Variants in MARCHF3 observed in about 807,000 individuals in gnomAD.
The protein encoded by MARCHF3 is membrane associated ring-CH-type finger 3.
A neutral mutation model predicts 24.2 loss-of-function variants in MARCHF3; 13 were observed. That is an observed-to-expected ratio of 0.54 (90% confidence interval 0.35 to 0.85). The LOEUF is 0.85. Ranked by LOEUF, MARCHF3 falls within the 40% of genes least tolerant of loss-of-function variation. MARCHF3 has a pLI of 0.01. For missense variants in MARCHF3, 276 were observed against 325.0 expected (o/e 0.85, Z 1.16); for synonymous variants, 144 against 137.3 (o/e 1.05, Z -0.34).
chr5:126,950,280 C>G (rs1303405041), intron 1 of MARCHF3, among the ~76,000 whole-genome samples: 1 of 152,218 alleles, frequency 6.6e-6, no homozygotes, highest in Non-Finnish European at 1.5e-5. Context: ...AATGGTCTTA[C>G]CTTAAATTCA....
At chr5:126,954,199 A>ATTTTTTTTTTT (rs750262766) in intron 1 of MARCHF3, among the ~76,000 whole-genome samples, 8 of 114,066 alleles carry the variant, frequency 7.0e-5, no homozygotes, top group Admixed American at 1.9e-4. Context: ...CGCCCGGCTA[A>ATTTTTTTTTTT]TTTTTTTTTT....
At chr5:126,891,661 T>C (rs1459055271) in intron 3 of MARCHF3, among the ~76,000 whole-genome samples, 2 of 140,898 alleles carry the variant, frequency 1.4e-5, no homozygotes, top group Admixed American at 1.4e-4. Flanking sequence ...TCTGTTTTGG[T>C]ACCAGTACCA....
chr5:126,978,700 C>T (rs1401599997), intron 1 of MARCHF3, among the ~76,000 whole-genome samples: 1 of 152,196 alleles, frequency 6.6e-6, no homozygotes, highest in Non-Finnish European at 1.5e-5. Flanking sequence ...CGGCTTTTTG[C>T]TCTCACACAG....
chr5:127,015,478 G>A (rs1752609958), intron 1 of MARCHF3, among the ~76,000 whole-genome samples: 1 of 152,134 alleles, frequency 6.6e-6, no homozygotes, highest in East Asian at 1.9e-4. Context: ...TCACAATTTA[G>A]TTGGCAAATG....
At chr5:126,908,402 A>G (rs939542545) in intron 3 of MARCHF3, among the ~76,000 whole-genome samples, 15 of 152,158 alleles carry the variant, frequency 9.9e-5, no homozygotes, top group Non-Finnish European at 1.9e-4. Context: ...CCTGGATAAT[A>G]TCCTGCAGAA....
intron 1 of MARCHF3, among the ~76,000 whole-genome samples, chr5:126,989,754 A>G (rs934914972): frequency 6.6e-6 from 1 of 152,214 alleles, no homozygotes; most frequent in African/African-American, 2.4e-5. Context: ...CATCAATTAT[A>G]ATTATGAACA....
intron 4 of MARCHF3, among the ~76,000 whole-genome samples, chr5:126,875,183 G>A (rs189184127): frequency 4.6e-5 from 7 of 152,320 alleles, no homozygotes; most frequent in Admixed American, 2.0e-4. Context: ...GACATGGACA[G>A]TGATGTTTCT....
chr5:126,992,595 A>T (rs191594404), intron 1 of MARCHF3, among the ~76,000 whole-genome samples: 6 of 152,272 alleles, frequency 3.9e-5, no homozygotes, highest in Admixed American at 1.3e-4. Context: ...CGTAGAAATT[A>T]CGTAGTACGT....
intron 1 of MARCHF3, among the ~76,000 whole-genome samples, chr5:126,951,768 T>G (rs1463465569): frequency 6.6e-6 from 1 of 152,232 alleles, no homozygotes; most frequent in Non-Finnish European, 1.5e-5. Context: ...AACAGCTCTG[T>G]CTGTAAGGCA....
intron 1 of MARCHF3, among the ~76,000 whole-genome samples, chr5:127,007,540 T>G (rs12652417): frequency 0.052 from 7,837 of 152,166 alleles, 381 homozygotes; most frequent in South Asian, 0.13. Context: ...TCCAATATAT[T>G]CATTCTTAAT....
chr5:126,974,499 A>T (rs1343094373), intron 1 of MARCHF3, among the ~76,000 whole-genome samples: 1 of 152,220 alleles, frequency 6.6e-6, no homozygotes, highest in Non-Finnish European at 1.5e-5. Flanking sequence ...AGGGAAAAAA[A>T]AGTAACCTTT....
intron 1 of MARCHF3, among the ~76,000 whole-genome samples, chr5:126,968,692 A>C (rs2126827463): frequency 6.6e-6 from 1 of 152,184 alleles, no homozygotes; most frequent in Admixed American, 6.5e-5. Flanking sequence ...TCTCGTGTGT[A>C]GTCTCCAGAG....
intron 1 of MARCHF3, among the ~76,000 whole-genome samples, chr5:126,919,928 A>G (rs1749044311): frequency 6.6e-6 from 1 of 152,246 alleles, no homozygotes; most frequent in Non-Finnish European, 1.5e-5. Flanking sequence ...GGGCACAGGC[A>G]GAGGCTGCCC....
At chr5:126,986,812 C>A (rs1445762920) in intron 1 of MARCHF3, among the ~76,000 whole-genome samples, 1 of 152,124 alleles carries the variant, frequency 6.6e-6, no homozygotes, top group Non-Finnish European at 1.5e-5. Flanking sequence ...AACTTTGATT[C>A]TCTGGACTCT....
chr5:126,992,865 G>A (rs1326461355), intron 1 of MARCHF3, among the ~76,000 whole-genome samples: 7 of 145,078 alleles, frequency 4.8e-5, no homozygotes, highest in African/African-American at 1.5e-4. Context: ...TCCGCCTTCC[G>A]GGTTCACGCC....
intron 1 of MARCHF3, among the ~76,000 whole-genome samples, chr5:126,992,889 A>C (rs1751820163): frequency 6.7e-6 from 1 of 149,254 alleles, no homozygotes; most frequent in African/African-American, 2.5e-5. Flanking sequence ...CTCCTGCCTC[A>C]GCCTCCCGAG....
intron 1 of MARCHF3, among the ~76,000 whole-genome samples, chr5:126,994,312 G>A (rs1175160582): frequency 6.6e-6 from 1 of 152,168 alleles, no homozygotes; most frequent in Non-Finnish European, 1.5e-5. Flanking sequence ...AAACTATAGA[G>A]TGAGAAAACA....
chr5:126,899,845 C>T (rs1235016955), intron 3 of MARCHF3, among the ~76,000 whole-genome samples: 1 of 152,070 alleles, frequency 6.6e-6, no homozygotes, highest in Non-Finnish European at 1.5e-5. Context: ...CCCCTGTCCC[C>T]TACAGTCCCC....
At chr5:126,895,785 C>T (rs1471352041) in intron 3 of MARCHF3, among the ~76,000 whole-genome samples, 1 of 152,162 alleles carries the variant, frequency 6.6e-6, no homozygotes, top group Non-Finnish European at 1.5e-5. Context: ...GCACTGCCCC[C>T]AGAGGTGGAG....
Sources: allele counts gnomAD v4.1 joint callset (sites outside exome capture counted in the v4.1 genomes callset), GRCh38; gene constraint gnomAD v4.1.1; transcripts MANE v1.5; gene names NCBI Gene and HGNC (gene_info 2026-07-23, HGNC 2026-07-21).